Variants in USH1C observed in about 807,000 individuals in gnomAD.
USH1C encodes the protein USH1 protein network component harmonin.
USH1C carries 90 observed loss-of-function variants against 119.3 expected under a neutral mutation model. The ratio of observed to expected loss-of-function variants is 0.75; its 90% CI spans 0.64 to 0.90. USH1C has a LOEUF of 0.90. Ranked by LOEUF, USH1C falls within the 40% of genes least tolerant of loss-of-function variation. The probability of loss-of-function intolerance (pLI) is 0.00; values close to 1 mark genes in which losing one functional copy is unlikely to be tolerated. For synonymous variants in USH1C, 465 were observed against 443.3 expected (o/e 1.05, Z -0.62); for missense variants, 1,165 against 1,167.7 (o/e 1.00, Z 0.03).
At position 17,501,522 on chromosome 11, in the gene USH1C, T is replaced by C. The variant is rs201600193; in HGVS notation, c.2240A>G (p.Gln747Arg). The change falls in exon 22 of 27, where the codon CAG becomes CGG. Residue 747 changes from glutamine (Q) to arginine (R), a missense_variant. By Grantham distance (43) the Gln-to-Arg change is conservative. Coordinates refer to ENST00000005226, the MANE Select transcript of USH1C (RefSeq NM_153676.4). ...FDPYSMFTPE[Q>R]IMGKDVRLLR... The stretch of plus-strand genomic sequence containing the variant: ...GAGCCGGACATCCTTCCCCATGATC[T>C]GCTCTGGGGTGAACTAGAGAGAAAA... 21 of 1,612,836 alleles carry C rather than the reference T, an allele frequency of 1.3e-5. No homozygotes were observed. The African/African-American group carries it at 2.7e-4, about 20-fold the overall frequency.
At chr11:17,518,213 TA>T (rs1850245176) in intron 14 of USH1C, among the ~76,000 whole-genome samples, 1 of 152,276 alleles carries the variant, frequency 6.6e-6, no homozygotes, top group Admixed American at 6.5e-5. Flanking sequence ...AAATTACATT[TA>T]CCCAACAGTG....
intron 1 of USH1C, among the ~76,000 whole-genome samples, chr11:17,539,443 A>T (rs951172226): frequency 3.3e-5 from 5 of 152,194 alleles, no homozygotes; most frequent in African/African-American, 1.2e-4. Flanking sequence ...AATGGGATTT[A>T]ATCACTATGA....
At position 17,527,289 on chromosome 11, in the gene USH1C, A is replaced by G. The variant is rs745306674; in HGVS notation, c.430T>C (p.Ser144Pro). 1.2e-6 allele frequency: 2 copies of G among 1,612,734 alleles called. No individual in the cohort carries two copies. The highest frequency in any genetic ancestry group is 1.3e-5 in the African/African-American group (1 of 74,698). ...TTGATGACCTCCTCATGGGTACAGGAGGAGATGGAATATCCATTGATCCGG... is the reference window on the plus strand; with the variant it reads ...TTGATGACCTCCTCATGGGTACAGGGGGAGATGGAATATCCATTGATCCGG... The part of the protein sequence containing the change: ...IVRINGYSIS[S>P]CTHEEVINLI... Residue 144 changes from serine (S) to proline (P), a missense_variant, in exon 5 of 27, where the codon TCC becomes CCC. By Grantham distance (74) the Ser-to-Pro change is moderately conservative (BLOSUM62 -1). Transcript: ENST00000005226.
Position 17,496,811 on chromosome 11 carries a change from G to C in USH1C, c.2493C>G (p.Asp831Glu), listed in dbSNP as rs1313821930. 6.2e-7 allele frequency: 1 copy of C among 1,614,170 alleles called. No homozygotes were observed. The highest frequency in any genetic ancestry group is 1.7e-5 in the Admixed American group (1 of 60,024). ...AGACGGCAACCACAAGGTCGATCCA[G>C]TCCTGTGGGGAGAAGCCGTGTGACT... ...ALQKAWNQGGDWIDLVVAVCP... is the reference protein window; with the variant it reads ...ALQKAWNQGGEWIDLVVAVCP... Residue 831 changes from aspartate to glutamate, a missense_variant and splice_region_variant, in exon 25 of 27, where the codon GAC becomes GAG. Coordinates refer to ENST00000005226, the MANE Select transcript of USH1C (RefSeq NM_153676.4).
chr11:17,544,186 A>AG (rs1851599417), intron 1 of USH1C, 86 bp downstream of exon 1: 1 of 1,566,118 alleles, frequency 6.4e-7, no homozygotes, highest in African/African-American at 1.4e-5. Context: ...CGGAAAAGGG[A>AG]GGGGCAGTGC....
In USH1C at chr11:17,494,331, C is replaced by A; in HGVS notation, c.*1G>T. 6.2e-7 allele frequency: 1 copy of A among 1,607,916 alleles called. No homozygotes were observed. Among genetic ancestry groups the A allele is most frequent in the Non-Finnish European group, 8.5e-7 (1 of 1,177,082 alleles). On this transcript the variant is annotated 3_prime_UTR_variant, in exon 27 of 27. Coordinates refer to ENST00000005226, the MANE Select transcript of USH1C (RefSeq NM_153676.4). The stretch of plus-strand genomic sequence containing the variant: ...GAGGTGGGGCCGGAGCTCACTGTTT[C>A]CTAACGGTGAATTTGGTTTCCCCTT...
intron 1 of USH1C, among the ~76,000 whole-genome samples, chr11:17,536,210 A>T (rs777237997): frequency 5.9e-5 from 9 of 152,182 alleles, no homozygotes; most frequent in Non-Finnish European, 1.3e-4. Context: ...CTGACTAAAG[A>T]CTTCTAGCCT....
intron 12 of USH1C, 143 bp downstream of exon 12, chr11:17,522,641 C>T: frequency 1.6e-6 from 2 of 1,263,910 alleles, no homozygotes; most frequent in Non-Finnish European, 1.1e-6. Context: ...GCTGACCTAC[C>T]ACCAAACTCA....
intron 23 of USH1C, among the ~76,000 whole-genome samples, chr11:17,499,168 C>CT (rs1190509599): frequency 1.3e-5 from 2 of 152,158 alleles, no homozygotes; most frequent in African/African-American, 2.4e-5. Flanking sequence ...CATCAGAGCC[C>CT]TTTTTGGAGG....
chr11:17,516,272 C>T lies in USH1C; in HGVS notation c.1229G>A (p.Arg410His), dbSNP rs754693236. The part of the protein sequence containing the change: ...RKPKSFGWFY[R>H]YDGKFPTIRK... ...GATGGTTGGGAATTTGCCATCGTAA[C>T]GATAAAACCATCCAAAAGCTATAAG... Residue 410 changes from arginine to histidine, a missense_variant, in exon 15 of 27, where the codon CGT becomes CAT. Physicochemically the swap from Arg to His is conservative, Grantham distance 29. Transcript: ENST00000005226. 4.5e-5 allele frequency: 73 copies of T among 1,613,288 alleles called. No homozygotes were observed. Among genetic ancestry groups the T allele is most frequent in the Middle Eastern group, 1.6e-4 (1 of 6,084 alleles).
chr11:17,521,515 G>T, intron 12 of USH1C, 104 bp from the exon 13 acceptor site: 2 of 1,229,658 alleles, frequency 1.6e-6, no homozygotes, highest in Non-Finnish European at 1.2e-6. Context: ...TTTTCTCCAG[G>T]CTCCCTTCCT....
chr11:17,499,550 T>C (rs146240105), intron 23 of USH1C, among the ~76,000 whole-genome samples: 407 of 152,330 alleles, frequency 2.7e-3, no homozygotes, highest in African/African-American at 9.0e-3. Context: ...CCCCTCTCTC[T>C]GCTAGACACA....
intron 23 of USH1C, among the ~76,000 whole-genome samples, chr11:17,500,003 G>T (rs1849377321): frequency 6.6e-6 from 1 of 152,198 alleles, no homozygotes; most frequent in Non-Finnish European, 1.5e-5. Context: ...TCCACAAAGG[G>T]CCACAAAGGA....
intron 1 of USH1C, among the ~76,000 whole-genome samples, chr11:17,537,327 T>C (rs1851268682): frequency 6.6e-6 from 1 of 152,214 alleles, no homozygotes; most frequent in South Asian, 2.1e-4. Context: ...TGTACTCAGG[T>C]ACATACGAAG....
intron 6 of USH1C, 46 bp from the exon 7 acceptor site, chr11:17,526,856 T>A (rs761710484): frequency 6.6e-7 from 1 of 1,524,360 alleles, no homozygotes; most frequent in South Asian, 1.1e-5. Context: ...GCGAGAGACG[T>A]TTGAGGAACC....
intron 15 of USH1C, among the ~76,000 whole-genome samples, chr11:17,513,043 T>C (rs1383260190): frequency 6.6e-6 from 1 of 152,210 alleles, no homozygotes; most frequent in East Asian, 1.9e-4. Context: ...CTATGTAGGT[T>C]TATCCTCATT....
intron 4 of USH1C, among the ~76,000 whole-genome samples, chr11:17,529,716 G>A (rs1478098979): frequency 6.6e-6 from 1 of 152,226 alleles, no homozygotes; most frequent in East Asian, 1.9e-4. Context: ...AGGGCCCTTT[G>A]TGCAAGGGCC....
intron 12 of USH1C, among the ~76,000 whole-genome samples, chr11:17,522,182 T>C (rs1346995531): frequency 6.6e-6 from 1 of 152,182 alleles, no homozygotes; most frequent in Non-Finnish European, 1.5e-5. Context: ...ATCTTGACAG[T>C]AGTTTTTGAT....
intron 1 of USH1C, among the ~76,000 whole-genome samples, chr11:17,542,631 C>T (rs1851515679): frequency 6.6e-6 from 1 of 152,126 alleles, no homozygotes; most frequent in Non-Finnish European, 1.5e-5. Context: ...AGATGATTCT[C>T]ACAAAAAAGA....
Sources: allele counts gnomAD v4.1 joint callset (sites outside exome capture counted in the v4.1 genomes callset), GRCh38; gene constraint gnomAD v4.1.1; transcripts MANE v1.5; gene names NCBI Gene and HGNC (gene_info 2026-07-23, HGNC 2026-07-21).